Variants in HMCN1 observed in about 807,000 individuals in gnomAD.
The protein encoded by HMCN1 is hemicentin 1.
HMCN1 carries 321 observed loss-of-function variants against 625.9 expected under a neutral mutation model. That is an observed-to-expected ratio of 0.51 (90% CI 0.47 to 0.56). The LOEUF (loss-of-function observed/expected upper bound fraction) is 0.56. HMCN1 is among the 20% of genes least tolerant of loss of function. HMCN1 has a pLI of 0.00. For synonymous variants in HMCN1, 2,425 were observed against 2,417.6 expected, an observed-to-expected ratio of 1.00 and a Z score of -0.09; for missense variants, 6,588 against 6,887.3, an observed-to-expected ratio of 0.96 and a Z score of 1.54.
At chr1:186,147,831 T>TA (rs1274648116) in intron 93 of HMCN1, among the ~76,000 whole-genome samples, 23 of 152,216 alleles carry the variant, frequency 1.5e-4, no homozygotes, top group African/African-American at 5.5e-4. Flanking sequence ...AAGTCAATCT[T>TA]TTAGCTGGCA....
chr1:185,752,331 C>CA (rs890476249), intron 1 of HMCN1, among the ~76,000 whole-genome samples: 28 of 151,656 alleles, frequency 1.8e-4, no homozygotes, highest in Non-Finnish European at 3.5e-4. Context: ...GCTCTCTGAC[C>CA]AAAAAAAGGC....
Position 186,171,428 on chromosome 1 carries a change from G to T in HMCN1, c.15666G>T (p.Gln5222His), listed in dbSNP as rs749932345. 3 of 1,613,106 alleles carry T rather than the reference G, an allele frequency of 1.9e-6. No homozygotes were observed. The highest frequency in any genetic ancestry group is 4.5e-5 in the East Asian group (2 of 44,852). Reference sequence around the variant, plus strand: ...ATTGTGGATGTGAACCTGGGTATCAGCTCAAAGGCAGAAAATGCATGGGTA... The same window carrying T: ...ATTGTGGATGTGAACCTGGGTATCATCTCAAAGGCAGAAAATGCATGGGTA... ...SFHCGCEPGY[Q>H]LKGRKCMDVN... Residue 5222 changes from glutamine to histidine, a missense_variant, in exon 101 of 107, where the codon CAG becomes CAT. Transcript: ENST00000271588.
intron 75 of HMCN1, 41 bp from the exon 76 acceptor site, chr1:186,116,953 A>G (rs1661162224): frequency 6.2e-7 from 1 of 1,608,478 alleles, no homozygotes; most frequent in East Asian, 2.2e-5. Context: ...ATTTATGAAA[A>G]CCTACATATA....
At chr1:185,838,308 A>G (rs1661290506) in intron 1 of HMCN1, among the ~76,000 whole-genome samples, 1 of 152,152 alleles carries the variant, frequency 6.6e-6, no homozygotes, top group Non-Finnish European at 1.5e-5. Flanking sequence ...TGTGCTTGGT[A>G]GCTGGGTTGC....
chr1:185,814,936 C>T (rs1659753069), intron 1 of HMCN1, among the ~76,000 whole-genome samples: 1 of 150,014 alleles, frequency 6.7e-6, no homozygotes, highest in Admixed American at 6.6e-5. Flanking sequence ...AAGTGATCCA[C>T]CCACCTCGGC....
intron 97 of HMCN1, 143 bp downstream of exon 97, chr1:186,154,130 G>T: frequency 1.4e-6 from 1 of 719,526 alleles, no homozygotes; most frequent in Non-Finnish European, 2.4e-6. Context: ...GTTAAGTAAA[G>T]CCCTATGGAA....
At chr1:186,155,487 TA>T (rs529229441) in intron 97 of HMCN1, among the ~76,000 whole-genome samples, 1 of 152,098 alleles carries the variant, frequency 6.6e-6, no homozygotes, top group Non-Finnish European at 1.5e-5. Context: ...CCATCTAATT[TA>T]AAAAAAGATA....
chr1:185,742,130 T>A (rs1031499996), intron 1 of HMCN1, among the ~76,000 whole-genome samples: 1 of 152,200 alleles, frequency 6.6e-6, no homozygotes, highest in Non-Finnish European at 1.5e-5. Context: ...TTTTTCTTAT[T>A]CTTGTCACTT....
At position 185,850,007 on chromosome 1, in the gene HMCN1, A is replaced by G. The variant is rs538297331; in HGVS notation, c.339+3911A>G. ...TTAGAAACTTATATTATATTCATGG[A>G]TCTTGGAAATTAGAAACTGCATTGT... On this transcript the variant is annotated intron_variant, in intron 2 of 106. Transcript: ENST00000271588. 2.6e-5 allele frequency among the ~76,000 whole-genome samples: 4 copies of G among 152,226 alleles called. No homozygotes were observed. In the South Asian group the frequency reaches 8.3e-4, roughly 32 times the overall value.
intron 4 of HMCN1, among the ~76,000 whole-genome samples, chr1:185,904,095 G>C (rs945414247): frequency 1.3e-5 from 2 of 151,860 alleles, no homozygotes; most frequent in Non-Finnish European, 2.9e-5. Context: ...TTAGATCAGT[G>C]ACCTGAATCT....
intron 18 of HMCN1, 67 bp from the exon 19 acceptor site, chr1:185,984,102 A>T (rs546943370): frequency 7.8e-7 from 1 of 1,281,988 alleles, no homozygotes; most frequent in East Asian, 2.4e-5. Flanking sequence ...AAGAAAAAGC[A>T]GGTTCATTTT....
At chr1:186,018,383 T>A (rs1430591843) in intron 34 of HMCN1, 31 bp downstream of exon 34, 2 of 1,589,258 alleles carry the variant, frequency 1.3e-6, no homozygotes, top group East Asian at 4.5e-5. Context: ...GAACTTTGCA[T>A]CTTAAATTAA....
chr1:186,110,977 C>CTATTTTTTTTTTTTTTTTTTTTTTT (rs1660847660), intron 71 of HMCN1, among the ~76,000 whole-genome samples: 1 of 61,648 alleles, frequency 1.6e-5, no homozygotes, highest in Non-Finnish European at 2.7e-5. Flanking sequence ...AGAGAAAATT[C>CTATTTTTTTTTTTTTTTTTTTTTTT]TTTTTTTTTT....
intron 4 of HMCN1, among the ~76,000 whole-genome samples, chr1:185,894,156 AAAAAAAACAAAAC>A (rs1665334637): frequency 7.4e-6 from 1 of 134,522 alleles, no homozygotes; most frequent in Non-Finnish European, 1.5e-5. Flanking sequence ...AAACAAAAAC[AAAAAAAACAAAAC>A]AAAAAAACAG....
chr1:186,032,471 T>G (rs977895109), intron 36 of HMCN1, among the ~76,000 whole-genome samples: 1 of 152,072 alleles, frequency 6.6e-6, no homozygotes, highest in South Asian at 2.1e-4. Flanking sequence ...AGGGACCCGA[T>G]GGGAGGTAAT....
At chr1:185,884,951 T>C (rs1270131711) in intron 4 of HMCN1, among the ~76,000 whole-genome samples, 3 of 152,002 alleles carry the variant, frequency 2.0e-5, no homozygotes, top group East Asian at 1.9e-4. Flanking sequence ...TAAAATAGTA[T>C]AGTTACAAAT....
At chr1:186,075,559 T>C (rs1034093942) in intron 53 of HMCN1, among the ~76,000 whole-genome samples, 3 of 152,148 alleles carry the variant, frequency 2.0e-5, no homozygotes, top group East Asian at 1.9e-4. Context: ...GAATACTAAA[T>C]GAGATAAAGT....
chr1:185,892,109 C>T lies in HMCN1; in HGVS notation c.622-17228C>T, dbSNP rs541628855. ...TTCTTCCAGTTGATTGCATCGGGTC[C>T]TGAGGCTTCTGCATTCTTCACGTAG... On this transcript the variant is annotated intron_variant, in intron 4 of 106. Transcript: ENST00000271588. Among the ~76,000 whole-genome samples, 7 of 149,438 alleles carry T rather than the reference C, an allele frequency of 4.7e-5. No homozygotes were observed. The South Asian group carries it at 1.4e-3, about 31-fold the overall frequency.
chr1:185,808,203 C>A (rs1659295898), intron 1 of HMCN1, among the ~76,000 whole-genome samples: 1 of 151,860 alleles, frequency 6.6e-6, no homozygotes, highest in African/African-American at 2.4e-5. Flanking sequence ...AAAAATTAGC[C>A]AAGTGTGGTG....
Sources: allele counts gnomAD v4.1 joint callset (sites outside exome capture counted in the v4.1 genomes callset), GRCh38; gene constraint gnomAD v4.1.1; transcripts MANE v1.5; gene names NCBI Gene and HGNC (gene_info 2026-07-23, HGNC 2026-07-21).